SYT6: variants seen among roughly 807,000 people sequenced by gnomAD.
SYT6 encodes the protein synaptotagmin-6.
In SYT6, 24 loss-of-function variants were observed where a neutral mutation model predicts 38.4. The ratio of observed to expected loss-of-function variants is 0.62; its 90% CI spans 0.45 to 0.88. SYT6 has a LOEUF of 0.88. Among genes scored for constraint, SYT6 ranks in the 40% least tolerant of loss-of-function variants. SYT6 has a pLI of 0.00. For synonymous variants in SYT6, 265 were observed against 241.9 expected, an observed-to-expected ratio of 1.10 and a Z score of -0.89; for missense variants, 611 against 621.0, an observed-to-expected ratio of 0.98 and a Z score of 0.17.
intron 3 of SYT6, among the ~76,000 whole-genome samples, chr1:114,127,109 C>A (rs1489017928): frequency 1.3e-5 from 2 of 152,214 alleles, no homozygotes; most frequent in Admixed American, 1.3e-4. Context: ...CTGTCTGGAC[C>A]ATTAGCTTTG....
chr1:114,124,905 G>GGA (rs944155800), intron 3 of SYT6, among the ~76,000 whole-genome samples: 1 of 152,192 alleles, frequency 6.6e-6, no homozygotes, highest in African/African-American at 2.4e-5. Flanking sequence ...TGGAAACTGG[G>GGA]GATAACACCA....
At chr1:114,115,423 T>C (rs1353691049) in intron 3 of SYT6, among the ~76,000 whole-genome samples, 3 of 101,100 alleles carry the variant, frequency 3.0e-5, no homozygotes, top group Non-Finnish European at 4.5e-5. Flanking sequence ...TACTTAACAC[T>C]TTTTTTTTTT....
chr1:114,147,904 A>G (rs1047872946), intron 1 of SYT6, among the ~76,000 whole-genome samples: 1 of 152,216 alleles, frequency 6.6e-6, no homozygotes, highest in Non-Finnish European at 1.5e-5. Flanking sequence ...GTGGAGGATA[A>G]CAGTTGACTG....
chr1:114,152,342 C>G (rs1016362903), intron 1 of SYT6: 13 of 152,368 alleles, frequency 8.5e-5, no homozygotes, highest in African/African-American at 3.1e-4. Context: ...CTGAGCAACT[C>G]CCGAGTGCTC....
In SYT6 at chr1:114,090,937, T is replaced by C. The variant is rs1004261271; in HGVS notation, c.*1197A>G. On this transcript the variant is annotated 3_prime_UTR_variant, in exon 8 of 8. Transcript: ENST00000610222. ...AAACAAACAACACTGAAGTACTTAG[T>C]AATTTATAGAACTAAAGTTTAAGAT... 3 of 152,826 alleles carry C rather than the reference T, an allele frequency of 2.0e-5. No homozygotes were observed. The highest frequency in any genetic ancestry group is 4.4e-5 in the Non-Finnish European group (3 of 68,026). The allele number at this position is 152,826 out of a possible 1,614,324, so 9.5% of individuals were successfully genotyped here. A position where few individuals can be genotyped will look rare whatever the true frequency, so the allele number is the denominator to read the frequency against.
intron 1 of SYT6, among the ~76,000 whole-genome samples, chr1:114,151,000 CAT>C (rs1679413268): frequency 6.6e-6 from 1 of 152,164 alleles, no homozygotes; most frequent in African/African-American, 2.4e-5. Flanking sequence ...CAAGGGAAAA[CAT>C]AAAATGGTAA....
intron 3 of SYT6, among the ~76,000 whole-genome samples, chr1:114,116,517 C>T (rs1399285201): frequency 6.6e-6 from 1 of 152,218 alleles, no homozygotes; most frequent in Admixed American, 6.5e-5. Flanking sequence ...ACTGTTATTT[C>T]CTTGCTTCCT....
At chr1:114,111,560 C>A (rs1216194977) in intron 3 of SYT6, among the ~76,000 whole-genome samples, 3 of 152,204 alleles carry the variant, frequency 2.0e-5, no homozygotes, top group Non-Finnish European at 4.4e-5. Context: ...TCCCTCTGAC[C>A]ATCCTGGACA....
intron 3 of SYT6, among the ~76,000 whole-genome samples, chr1:114,128,305 T>C (rs1383417572): frequency 6.6e-6 from 1 of 152,226 alleles, no homozygotes; most frequent in East Asian, 1.9e-4. Context: ...GGCAGAATAC[T>C]AGGGATACTG....
At chr1:114,097,613 G>A in intron 6 of SYT6, 114 bp downstream of exon 6, 3 of 1,291,570 alleles carry the variant, frequency 2.3e-6, no homozygotes, top group Non-Finnish European at 1.1e-6. Context: ...GAAGCATGTG[G>A]CCCTCATGCC....
intron 1 of SYT6, among the ~76,000 whole-genome samples, chr1:114,150,704 G>A (rs891328836): frequency 2.0e-5 from 3 of 152,186 alleles, no homozygotes; most frequent in African/African-American, 7.2e-5. Flanking sequence ...ATGACACAAT[G>A]AAAGGTGGAG....
chr1:114,093,480 C>T (rs60780225), intron 7 of SYT6, among the ~76,000 whole-genome samples: 3,688 of 152,286 alleles, frequency 0.024, 193 homozygotes, highest in African/African-American at 0.085. Context: ...CTTAGCATGT[C>T]AGCACTGGAG....
chr1:114,135,494 G>C (rs1206441089), intron 3 of SYT6, among the ~76,000 whole-genome samples: 1 of 146,128 alleles, frequency 6.8e-6, no homozygotes, highest in Non-Finnish European at 1.5e-5. Context: ...ATGGAGGAGG[G>C]CTATAATGAT....
chr1:114,142,462 G>T (rs1271134111), intron 1 of SYT6, among the ~76,000 whole-genome samples: 2 of 152,124 alleles, frequency 1.3e-5, no homozygotes, highest in Non-Finnish European at 2.9e-5. Flanking sequence ...TTATCTTCTT[G>T]AGATAAAATA....
intron 3 of SYT6, among the ~76,000 whole-genome samples, chr1:114,118,500 CT>C (rs1260524334): frequency 2.6e-5 from 4 of 152,338 alleles, no homozygotes; most frequent in Non-Finnish European, 4.4e-5. Context: ...TTGGCTTAAA[CT>C]GCCTCTTTGC....
At chr1:114,117,930 T>TCTG in intron 3 of SYT6, among the ~76,000 whole-genome samples, 1 of 152,210 alleles carries the variant, frequency 6.6e-6, no homozygotes, top group African/African-American at 2.4e-5. Flanking sequence ...TGAAGACGCC[T>TCTG]CACAGGGATC....
intron 5 of SYT6, among the ~76,000 whole-genome samples, chr1:114,098,499 C>T (rs1057213772): frequency 8.6e-5 from 13 of 151,886 alleles, no homozygotes; most frequent in South Asian, 2.1e-4. Context: ...GTGGAAGAGA[C>T]GAAAAATATC....
chr1:114,136,376 C>T (rs192036048), intron 3 of SYT6, among the ~76,000 whole-genome samples: 2 of 152,342 alleles, frequency 1.3e-5, no homozygotes, highest in Admixed American at 1.3e-4. Flanking sequence ...GCCCCTCAAC[C>T]TGTTAGCACT....
chr1:114,130,136 A>G (rs1017118596), intron 3 of SYT6, among the ~76,000 whole-genome samples: 1 of 151,830 alleles, frequency 6.6e-6, no homozygotes, highest in African/African-American at 2.4e-5. Context: ...TCCCCTGCCC[A>G]CCCTGTTTTG....
Sources: allele counts gnomAD v4.1 joint callset (sites outside exome capture counted in the v4.1 genomes callset), GRCh38; gene constraint gnomAD v4.1.1; transcripts MANE v1.5; gene names NCBI Gene and HGNC (gene_info 2026-07-23, HGNC 2026-07-21).